The following AP4E1 variants were observed in gnomAD, a reference collection of about 807,000 sequenced individuals.
AP4E1 encodes AP-4 complex subunit epsilon-1.
A neutral mutation model predicts 128.2 loss-of-function variants in AP4E1; 56 were observed. The ratio of observed to expected loss-of-function variants is 0.44; its 90% CI spans 0.35 to 0.55. AP4E1 has a LOEUF of 0.55. Among genes scored for constraint, AP4E1 ranks in the 20% least tolerant of loss-of-function variants. The pLI is 0.00. For missense variants in AP4E1, 1,324 were observed against 1,307.7 expected (o/e 1.01, Z -0.19); for synonymous variants, 484 against 473.1 (o/e 1.02, Z -0.30).
chr15:50,960,363 A>G (rs2064295042), intron 14 of AP4E1, among the ~76,000 whole-genome samples: 1 of 152,186 alleles, frequency 6.6e-6, no homozygotes, highest in Admixed American at 6.5e-5. Context: ...AGGACAGACC[A>G]TATGTTAGGC....
chr15:50,914,741 T>C (rs1375827219), intron 2 of AP4E1, among the ~76,000 whole-genome samples: 3 of 151,862 alleles, frequency 2.0e-5, no homozygotes, highest in Non-Finnish European at 4.4e-5. Flanking sequence ...AGATTTTCCA[T>C]AAATATTGAG....
chr15:50,931,851 A>G (rs918988067), intron 7 of AP4E1, among the ~76,000 whole-genome samples: 1 of 151,956 alleles, frequency 6.6e-6, no homozygotes, highest in African/African-American at 2.4e-5. Flanking sequence ...TAGTTTGCCA[A>G]CCCTTGCTCT....
At chr15:50,982,427 A>ACTCT (rs1567254164) in intron 15 of AP4E1, among the ~76,000 whole-genome samples, 1 of 152,194 alleles carries the variant, frequency 6.6e-6, no homozygotes, top group East Asian at 1.9e-4. Flanking sequence ...CAGAATCACA[A>ACTCT]AGAGTTTTTT....
chr15:50,907,699 A>G (rs769296987), upstream of AP4E1, among the ~76,000 whole-genome samples: 1 of 152,112 alleles, frequency 6.6e-6, no homozygotes, highest in Non-Finnish European at 1.5e-5. Context: ...GCCGCTTGAA[A>G]ACTCTGTACA....
At chr15:50,994,605 A>G (rs973060340) in intron 17 of AP4E1, among the ~76,000 whole-genome samples, 8 of 152,186 alleles carry the variant, frequency 5.3e-5, no homozygotes, top group African/African-American at 1.9e-4. Context: ...TTCCGAGTTG[A>G]CATTTGCAGA....
chr15:50,933,890 T>C (rs890397904), intron 7 of AP4E1, among the ~76,000 whole-genome samples: 12 of 152,152 alleles, frequency 7.9e-5, no homozygotes, highest in African/African-American at 2.9e-4. Flanking sequence ...GCTGGTATTT[T>C]TTTTTTCTTC....
intron 14 of AP4E1, among the ~76,000 whole-genome samples, chr15:50,963,318 A>C (rs1313852823): frequency 6.6e-6 from 1 of 152,218 alleles, no homozygotes; most frequent in South Asian, 2.1e-4. Context: ...AGTACTATTC[A>C]CAATAGCCAA....
intron 15 of AP4E1, among the ~76,000 whole-genome samples, chr15:50,982,700 AT>A (rs869212781): frequency 6.8e-6 from 1 of 148,144 alleles, no homozygotes; most frequent in Non-Finnish European, 1.5e-5. Flanking sequence ...CATCATTATT[AT>A]TTTTTTACAT....
At chr15:50,947,978 A>ATAGT in intron 10 of AP4E1, 42 bp from the exon 11 acceptor site, 1 of 1,452,366 alleles carries the variant, frequency 6.9e-7, no homozygotes, top group South Asian at 1.2e-5. Context: ...GGTGTTATGC[A>ATAGT]TAGTTTTATA....
At chr15:50,918,726 T>C (rs2063658285) in intron 3 of AP4E1, among the ~76,000 whole-genome samples, 1 of 152,140 alleles carries the variant, frequency 6.6e-6, no homozygotes, top group Non-Finnish European at 1.5e-5. Flanking sequence ...CTCTTTTATA[T>C]AAAAGGCAGC....
At chr15:50,940,268 A>C (rs1296790260) in intron 8 of AP4E1, among the ~76,000 whole-genome samples, 3 of 152,176 alleles carry the variant, frequency 2.0e-5, no homozygotes, top group African/African-American at 4.8e-5. Flanking sequence ...GTTTTCATTT[A>C]AAGTCAGTTC....
rs1041308162 is a variant in AP4E1, at chr15:50,923,989, G to A, written c.405G>A (p.Val135=). 6.2e-7 allele frequency: 1 copy of A among 1,608,852 alleles called. No individual in the cohort carries two copies. Among genetic ancestry groups the A allele is most frequent in the Non-Finnish European group, 8.5e-7 (1 of 1,175,760 alleles). ...HESHELLLLL[V]NTVVKDLQST... ...GTCATGAATTATTGCTTCTCCTTGT[G>A]AATACAGTTGTAAAGGTATTGTATT... Residue 135 remains valine (V), a synonymous_variant, in exon 4 of 21, where the codon GTG becomes GTA. Coordinates refer to ENST00000261842, the MANE Select transcript of AP4E1 (RefSeq NM_007347.5).
chr15:50,993,140 G>A (rs2064825525), intron 16 of AP4E1, among the ~76,000 whole-genome samples: 1 of 152,166 alleles, frequency 6.6e-6, no homozygotes, highest in Admixed American at 6.5e-5. Flanking sequence ...TTTTAACTAA[G>A]TCTGGAGTTC....
rs563839828 is a variant in AP4E1 at position 50,914,611 on chromosome 15, A to G, written c.223-837A>G. On this transcript the variant is annotated intron_variant, in intron 2 of 20. Coordinates refer to ENST00000261842, the MANE Select transcript of AP4E1 (RefSeq NM_007347.5). ...GGCTGCGATGAGCCAAGATCTTGCC[A>G]CTGTACTCCAGCCTGGGTGACAGAG... Among the ~76,000 whole-genome samples the G allele has an allele frequency of 1.9e-4, 28 of 144,106 alleles. No homozygotes were observed. In the South Asian group the frequency reaches 5.7e-3, roughly 30 times the overall value. 94.5% of individuals were successfully genotyped at this position (144,106 alleles called of 152,430 possible).
intron 8 of AP4E1, among the ~76,000 whole-genome samples, chr15:50,938,172 T>A (rs1484708077): frequency 6.6e-6 from 1 of 151,990 alleles, no homozygotes; most frequent in East Asian, 1.9e-4. Flanking sequence ...CACGGTGGTG[T>A]GTACCCTGGG....
chr15:50,914,525 C>T (rs2063604680), intron 2 of AP4E1, among the ~76,000 whole-genome samples: 1 of 151,722 alleles, frequency 6.6e-6, no homozygotes, highest in Non-Finnish European at 1.5e-5. Context: ...GTGGCGTGCA[C>T]CTGTGGTCCT....
intron 15 of AP4E1, among the ~76,000 whole-genome samples, chr15:50,968,582 C>G (rs1156273474): frequency 6.6e-6 from 1 of 152,060 alleles, no homozygotes; most frequent in African/African-American, 2.4e-5. Context: ...GACATAGGCT[C>G]TCTATCCACA....
intron 13 of AP4E1, among the ~76,000 whole-genome samples, chr15:50,955,353 G>C (rs946207339): frequency 1.3e-5 from 2 of 152,140 alleles, no homozygotes; most frequent in African/African-American, 4.8e-5. Context: ...GTTGTTTCCT[G>C]ACTTTTTAAT....
chr15:50,942,185 G>A (rs2141176342), intron 10 of AP4E1, among the ~76,000 whole-genome samples: 1 of 152,260 alleles, frequency 6.6e-6, no homozygotes, highest in Non-Finnish European at 1.5e-5. Context: ...CCAAAGTGCT[G>A]GGATTACAGG....
Sources: allele counts gnomAD v4.1 joint callset (sites outside exome capture counted in the v4.1 genomes callset), GRCh38; gene constraint gnomAD v4.1.1; transcripts MANE v1.5; gene names NCBI Gene and HGNC (gene_info 2026-07-23, HGNC 2026-07-21).